TUBGCP4: variants seen among roughly 807,000 people sequenced by gnomAD.
TUBGCP4 encodes the protein gamma-tubulin complex component 4.
A neutral mutation model predicts 91.6 loss-of-function variants in TUBGCP4; 54 were observed. The observed-to-expected ratio is 0.59, with a 90% CI of 0.47 to 0.74. The LOEUF (loss-of-function observed/expected upper bound fraction) is 0.74. Among genes scored for constraint, TUBGCP4 ranks in the 30% least tolerant of loss-of-function variants. The pLI, the probability that TUBGCP4 is intolerant of heterozygous loss-of-function variation, is 0.00. For missense variants in TUBGCP4, 593 were observed against 800.9 expected (o/e 0.74, Z 3.13); for synonymous variants, 297 against 302.8 (o/e 0.98, Z 0.20).
Position 43,409,200 on chromosome 15 carries a change from T to C in TUBGCP4, c.*3986T>C. ...AAGAGCAGATCTGAAGACTCCCAAC[T>C]ACTACCCAAAATGTGATTTAGTCTA... On this transcript the variant is annotated 3_prime_UTR_variant, in exon 18 of 18. Transcript: ENST00000564079. 1 of 1,022,132 alleles carries C rather than the reference T, an allele frequency of 9.8e-7. No homozygotes were observed. Among genetic ancestry groups the C allele is most frequent in the Non-Finnish European group, 1.5e-6 (1 of 675,444 alleles). 63.3% of individuals were successfully genotyped at this position (1,022,132 alleles called of 1,614,324 possible).
chr15:43,397,703 CA>C (rs1354143431), intron 12 of TUBGCP4, among the ~76,000 whole-genome samples: 1 of 152,116 alleles, frequency 6.6e-6, no homozygotes, highest in Non-Finnish European at 1.5e-5. Flanking sequence ...TCGCAGACTC[CA>C]TTGAGCTCTG....
intron 6 of TUBGCP4, among the ~76,000 whole-genome samples, chr15:43,381,230 A>G (rs755326531): frequency 2.0e-5 from 3 of 152,226 alleles, no homozygotes; most frequent in Admixed American, 2.0e-4. Context: ...AGATGATACT[A>G]TATATACATG....
intron 13 of TUBGCP4, chr15:43,399,160 C>T: frequency 8.0e-7 from 1 of 1,253,758 alleles, no homozygotes; most frequent in Non-Finnish European, 1.0e-6. Context: ...CTTCTGCAAG[C>T]CTACCTACAA....
chr15:43,391,948 G>A (rs946646195), intron 9 of TUBGCP4, among the ~76,000 whole-genome samples: 1 of 151,890 alleles, frequency 6.6e-6, no homozygotes, highest in African/African-American at 2.4e-5. Flanking sequence ...CCAGCTACTC[G>A]GGAGGCTGAA....
chr15:43,396,076 T>C (rs532135298), intron 11 of TUBGCP4, among the ~76,000 whole-genome samples: 28 of 152,344 alleles, frequency 1.8e-4, no homozygotes, highest in African/African-American at 6.3e-4. Flanking sequence ...TGCTATTGTA[T>C]CTAAAACCCC....
intron 3 of TUBGCP4, 84 bp downstream of exon 3, chr15:43,376,709 C>G: frequency 6.3e-7 from 1 of 1,583,224 alleles, no homozygotes; most frequent in Non-Finnish European, 8.6e-7. Flanking sequence ...TTGATAAGAT[C>G]AGGTAGTTAA....
Position 43,395,600 on chromosome 15 carries a change from C to T in TUBGCP4, c.1083C>T (p.Tyr361=), listed in dbSNP as rs545372729. 8 of 1,613,954 alleles carry T rather than the reference C, an allele frequency of 5.0e-6. No individual in the cohort carries two copies. The East Asian group carries it at 1.3e-4, about 27-fold the overall frequency. Reference sequence around the variant, plus strand: ...TTCCTCAGATCATTAAAGACTTTTACCTTCTGGGACGTGGAGAACTGTTTC... The same window carrying T: ...TTCCTCAGATCATTAAAGACTTTTATCTTCTGGGACGTGGAGAACTGTTTC... ...LGQLKIIKDF[Y]LLGRGELFQA... is the part of the protein sequence containing the mutation. Residue 361 remains tyrosine, a synonymous_variant, in exon 11 of 18, where the codon TAC becomes TAT. Coordinates refer to ENST00000564079, the MANE Select transcript of TUBGCP4 (RefSeq NM_014444.5).
chr15:43,403,516 T>G, intron 15 of TUBGCP4, 167 bp from the exon 16 acceptor site: 1 of 581,738 alleles, frequency 1.7e-6, no homozygotes, highest in Non-Finnish European at 3.1e-6. Context: ...ACGCATTTTG[T>G]GCGTCTGAGG....
At chr15:43,374,517 T>TG (rs1261648283) in intron 1 of TUBGCP4, among the ~76,000 whole-genome samples, 1 of 151,914 alleles carries the variant, frequency 6.6e-6, no homozygotes, top group Non-Finnish European at 1.5e-5. Flanking sequence ...GTGGCTGAGG[T>TG]GGGAGAATTG....
At chr15:43,387,765 A>G (rs1229237892) in intron 9 of TUBGCP4, among the ~76,000 whole-genome samples, 2 of 151,960 alleles carry the variant, frequency 1.3e-5, no homozygotes, top group Non-Finnish European at 2.9e-5. Flanking sequence ...CCTGGCCCGC[A>G]TGAGGAAATT....
At chr15:43,389,229 T>G (rs7176849) in intron 9 of TUBGCP4, among the ~76,000 whole-genome samples, 42,865 of 152,122 alleles carry the variant, frequency 0.28, 9,189 homozygotes, top group African/African-American at 0.59. Flanking sequence ...TAATTATGTC[T>G]TTAGTTTTTA....
intron 10 of TUBGCP4, 81 bp from the exon 11 acceptor site, chr15:43,395,502 A>G: frequency 9.8e-7 from 1 of 1,019,276 alleles, no homozygotes; most frequent in South Asian, 1.4e-5. Context: ...ATTAGAAATT[A>G]CTGTATACAT....
In TUBGCP4 at chr15:43,408,176, G is replaced by C; in HGVS notation, c.*2962G>C. The C allele has an allele frequency of 1.5e-6, 2 of 1,340,128 alleles. No individual in the cohort carries two copies. Among genetic ancestry groups the C allele is most frequent in the Non-Finnish European group, 2.1e-6 (2 of 973,144 alleles). The allele number at this position is 1,340,128 out of a possible 1,614,324, so 83.0% of individuals were successfully genotyped here. ...CAAAGGGACTCATGTACATCTGAATGCTTTCAAAAATAAATGCCCCATCAG... is the reference window on the plus strand; with the variant it reads ...CAAAGGGACTCATGTACATCTGAATCCTTTCAAAAATAAATGCCCCATCAG... On this transcript the variant is annotated 3_prime_UTR_variant, in exon 18 of 18. Transcript: ENST00000564079.
intron 6 of TUBGCP4, 62 bp from the exon 7 acceptor site, chr15:43,383,241 C>G (rs989835827): frequency 1.4e-6 from 2 of 1,409,716 alleles, no homozygotes; most frequent in African/African-American, 2.9e-5. Context: ...TCTCAGGCCT[C>G]TGTTTATCCT....
rs548284516 is a variant in TUBGCP4, at chr15:43,382,226, A to C, written c.522-1077A>C. ...GACCCTGTCTCAAAAAAAAAAGAAA[A>C]AAGAAAAAAAGAAAAATAAAAGAAA... On this transcript the variant is annotated intron_variant, in intron 6 of 17. Coordinates refer to ENST00000564079, the MANE Select transcript of TUBGCP4 (RefSeq NM_014444.5). 9.4e-3 allele frequency among the ~76,000 whole-genome samples: 1,256 copies of C among 133,068 alleles called. 18 individuals carry two copies. The highest frequency in any genetic ancestry group is 0.045 in the African/African-American group (1,189 of 26,306). 87.3% of individuals were successfully genotyped at this position (133,068 alleles called of 152,430 possible).
Position 43,401,843 on chromosome 15 carries a change from T to C in TUBGCP4, c.1724T>C (p.Leu575Ser). Residue 575 changes from leucine to serine, a missense_variant, in exon 15 of 18, where the codon TTG becomes TCG. By Grantham distance (145) the Leu-to-Ser change is moderately radical. Transcript: ENST00000564079. ...TTGCTGGCTCAATCCTTTATCCTAT[T>C]GAAACCTGTAAGTAAGGCTCATTGG... Reference protein sequence around the residue: ...SNLLAQSFILLKPVFHCLNEI... With the variant: ...SNLLAQSFILSKPVFHCLNEI... The C allele has an allele frequency of 1.9e-6, 3 of 1,614,154 alleles. No homozygotes were observed. The highest frequency in any genetic ancestry group is 1.7e-6 in the Non-Finnish European group (2 of 1,180,002).
intron 9 of TUBGCP4, among the ~76,000 whole-genome samples, chr15:43,391,040 T>C (rs2044458777): frequency 1.3e-5 from 2 of 151,604 alleles, no homozygotes; most frequent in African/African-American, 2.4e-5. Context: ...CACAGTCTTA[T>C]TCTTCTTACT....
At chr15:43,396,354 G>T (rs915265631) in intron 11 of TUBGCP4, among the ~76,000 whole-genome samples, 1 of 152,190 alleles carries the variant, frequency 6.6e-6, no homozygotes, top group Admixed American at 6.5e-5. Flanking sequence ...TCAGACACTA[G>T]GCTATGCCTA....
At chr15:43,383,807 G>GT (rs1049589164) in intron 7 of TUBGCP4, among the ~76,000 whole-genome samples, 125 of 144,542 alleles carry the variant, frequency 8.6e-4, no homozygotes, top group East Asian at 1.4e-3. Flanking sequence ...TTGGAGTTTT[G>GT]TTTTTTTTTT....
Sources: gnomAD v4.1 joint callset for allele counts (sites outside exome capture counted in the v4.1 genomes callset) on GRCh38, gnomAD v4.1.1 for gene constraint, MANE v1.5 for transcripts, NCBI Gene and HGNC (gene_info 2026-07-23, HGNC 2026-07-21) for gene names.